The following KDM7A variants were observed in gnomAD, a reference collection of about 807,000 sequenced individuals.
KDM7A encodes the protein lysine demethylase 7A.
KDM7A carries 28 observed loss-of-function variants against 114.8 expected under a neutral mutation model. That is an observed-to-expected ratio of 0.24 (90% CI 0.18 to 0.33). The LOEUF (loss-of-function observed/expected upper bound fraction) is 0.33. KDM7A is among the 10% of genes least tolerant of loss of function. The pLI is 1.00. For missense variants in KDM7A, 942 were observed against 1,142.5 expected (o/e 0.82, Z 2.53); for synonymous variants, 423 against 397.8 (o/e 1.06, Z -0.75).
At chr7:140,136,966 G>A (rs747859047) in intron 2 of KDM7A, among the ~76,000 whole-genome samples, 8 of 151,012 alleles carry the variant, frequency 5.3e-5, no homozygotes, top group Non-Finnish European at 7.4e-5. Flanking sequence ...CAGCCTGGGC[G>A]ACAGCACAAG....
In KDM7A at chr7:140,127,439, C is replaced by A; in HGVS notation, c.701+3G>T. 1 of 1,611,786 alleles carries A rather than the reference C, an allele frequency of 6.2e-7. No individual in the cohort carries two copies. Among genetic ancestry groups the A allele is most frequent in the Non-Finnish European group, 8.5e-7 (1 of 1,178,882 alleles). On this transcript the variant is annotated splice_donor_region_variant and intron_variant, in intron 5 of 19. Coordinates refer to ENST00000397560, the MANE Select transcript of KDM7A (RefSeq NM_030647.2). The stretch of plus-strand genomic sequence containing the variant: ...CTAAACCAAAATACCCAGAACTACT[C>A]ACTTTGTATCTGAAAATTCAAGGCT...
At chr7:140,148,445 G>C (rs1794363704) in intron 1 of KDM7A, among the ~76,000 whole-genome samples, 6 of 151,986 alleles carry the variant, frequency 3.9e-5, no homozygotes, top group Admixed American at 3.9e-4. Flanking sequence ...AATAGTAACA[G>C]TAACCCCCTC....
In KDM7A at chr7:140,114,058, T is replaced by C. The variant is rs568497489; in HGVS notation, c.1247-476A>G. Among the ~76,000 whole-genome samples the C allele has an allele frequency of 1.2e-4, 18 of 152,356 alleles. No homozygotes were observed. In the South Asian group the frequency reaches 2.3e-3, roughly 19 times the overall value. On this transcript the variant is annotated intron_variant, in intron 9 of 19. Transcript: ENST00000397560. Reference sequence around the variant, plus strand: ...GCTTCCAAAAGAAAGGGGGTGTAACTGTCACTAATAAAGGGTTATTTCATA... The same window carrying C: ...GCTTCCAAAAGAAAGGGGGTGTAACCGTCACTAATAAAGGGTTATTTCATA...
chr7:140,167,450 T>C (rs2116856629), intron 1 of KDM7A, among the ~76,000 whole-genome samples: 1 of 152,250 alleles, frequency 6.6e-6, no homozygotes, highest in South Asian at 2.1e-4. Flanking sequence ...CAGACCCAAG[T>C]ATATACAGAA....
rs1367270738 is a variant in KDM7A, at chr7:140,119,141, T to C, written c.1218A>G (p.Val406=). Residue 406 remains valine, a synonymous_variant, in exon 9 of 20, where the codon GTA becomes GTG. Transcript: ENST00000397560. ...TCAGGGTTTCCAGCAAGTTTTTGGC[T>C]ACAAACCAACATATGGCTTCAAAGA... is the stretch of plus-strand genomic sequence containing the variant. ...FPFFEAICWF[V]AKNLLETLKE... The C allele has an allele frequency of 1.2e-6, 2 of 1,608,222 alleles. No homozygotes were observed. Among genetic ancestry groups the C allele is most frequent in the African/African-American group, 2.7e-5 (2 of 74,944 alleles).
In KDM7A at chr7:140,091,985, G is replaced by C; in HGVS notation, c.2550C>G (p.Gly850=). 1 of 1,614,036 alleles carries C rather than the reference G, an allele frequency of 6.2e-7. No individual in the cohort carries two copies. The highest frequency in any genetic ancestry group is 8.5e-7 in the Non-Finnish European group (1 of 1,180,006). Residue 850 remains glycine, a synonymous_variant, in exon 19 of 20, where the codon GGC becomes GGG. Coordinates refer to ENST00000397560, the MANE Select transcript of KDM7A (RefSeq NM_030647.2). ...VQSRNYVDSS[G]SSLQNGKYMQ... is the part of the protein sequence containing the mutation. The stretch of plus-strand genomic sequence containing the variant: ...TATACTTTCCATTCTGAAGGCTTGA[G>C]CCGCTGCTGTCCACATAATTCCTAC...
chr7:140,123,767 T>C (rs1156854453), intron 7 of KDM7A, among the ~76,000 whole-genome samples: 1 of 152,166 alleles, frequency 6.6e-6, no homozygotes, highest in African/African-American at 2.4e-5. Flanking sequence ...TGATACATGC[T>C]ACAACATGGA....
chr7:140,100,689 C>CATATATATAT (rs1392915165), intron 12 of KDM7A, among the ~76,000 whole-genome samples: 2 of 54,006 alleles, frequency 3.7e-5, no homozygotes, highest in African/African-American at 1.4e-4. Context: ...TACATATATA[C>CATATATATAT]ATATATATAT....
chr7:140,141,977 C>T (rs938934993), intron 1 of KDM7A, among the ~76,000 whole-genome samples: 15 of 146,578 alleles, frequency 1.0e-4, no homozygotes, highest in African/African-American at 2.2e-4. Context: ...ATAAAATAGG[C>T]TTGATATTTT....
chr7:140,175,977 G>T (rs1210245514), intron 1 of KDM7A, among the ~76,000 whole-genome samples: 5 of 151,888 alleles, frequency 3.3e-5, no homozygotes, highest in African/African-American at 1.2e-4. Context: ...ATCTGCCCCA[G>T]TCCCGGCGAC....
Position 140,089,849 on chromosome 7 carries a change from T to C in KDM7A, c.*1245A>G, listed in dbSNP as rs537510809. The C allele has an allele frequency of 1.3e-5, 2 of 152,338 alleles. No individual in the cohort carries two copies. Among genetic ancestry groups the C allele is most frequent in the Non-Finnish European group, 1.5e-5 (1 of 68,034 alleles). 9.4% of individuals were successfully genotyped at this position (152,338 alleles called of 1,614,324 possible). A position where few individuals can be genotyped will look rare whatever the true frequency, so the allele number is the denominator to read the frequency against. ...CAAATCCATATCTTAAGTAATTCTT[T>C]AGAAAATTAAGAAATAAAAAAAGTA... On this transcript the variant is annotated 3_prime_UTR_variant, in exon 20 of 20. Transcript: ENST00000397560.
chr7:140,112,191 G>C (rs771601156), intron 10 of KDM7A, among the ~76,000 whole-genome samples: 3 of 152,222 alleles, frequency 2.0e-5, no homozygotes, highest in African/African-American at 4.8e-5. Context: ...TGCTCTAGCA[G>C]ATATGTAGCA....
chr7:140,144,737 A>ACACACC (rs1435610694), intron 1 of KDM7A, among the ~76,000 whole-genome samples: 29 of 150,994 alleles, frequency 1.9e-4, no homozygotes, highest in African/African-American at 6.6e-4. Context: ...ACACACACAC[A>ACACACC]CCCTCATGCT....
intron 3 of KDM7A, among the ~76,000 whole-genome samples, chr7:140,130,569 C>T (rs145558608): frequency 4.6e-5 from 7 of 150,596 alleles, no homozygotes; most frequent in South Asian, 4.2e-4. Flanking sequence ...TGCAGTGAGC[C>T]GAGATCTCAC....
chr7:140,090,859 CA>C lies in KDM7A; in HGVS notation c.*234del. The C allele has an allele frequency of 4.3e-6, 2 of 466,830 alleles. No individual in the cohort carries two copies. The highest frequency in any genetic ancestry group is 3.5e-5 in the Admixed American group (1 of 28,450). The allele number at this position is 466,830 out of a possible 1,614,324, so 28.9% of individuals were successfully genotyped here. A position where few individuals can be genotyped will look rare whatever the true frequency, so the allele number is the denominator to read the frequency against. ...CCCTGACAAGAGACCCTTTCCAGTT[CA>C]AGGTCTCTTTTTAAGGTTCTACCCT... On this transcript the variant is annotated 3_prime_UTR_variant, in exon 20 of 20. Transcript: ENST00000397560.
At chr7:140,096,530 G>C (rs762126050) in intron 17 of KDM7A, 25 bp downstream of exon 17, 2 of 1,570,510 alleles carry the variant, frequency 1.3e-6, no homozygotes, top group Admixed American at 3.3e-5. Context: ...TTACTTTTTA[G>C]AGACTGATAA....
At chr7:140,129,013 T>C (rs1043422085) in intron 4 of KDM7A, among the ~76,000 whole-genome samples, 4 of 152,220 alleles carry the variant, frequency 2.6e-5, no homozygotes, top group African/African-American at 9.7e-5. Context: ...CAAGTCATTA[T>C]TATAAAAACA....
intron 6 of KDM7A, 73 bp from the exon 7 acceptor site, chr7:140,124,856 C>A: frequency 1.2e-6 from 1 of 836,440 alleles, no homozygotes. Context: ...GATGCAATTT[C>A]TCAATACAAT....
chr7:140,113,625 T>A (rs756720621), intron 9 of KDM7A, 43 bp from the exon 10 acceptor site: 2 of 1,071,472 alleles, frequency 1.9e-6, no homozygotes, highest in Non-Finnish European at 2.8e-6. Flanking sequence ...ATAGTTAAAA[T>A]GTTCTAAAGT....
Sources: gnomAD v4.1 joint callset for allele counts (sites outside exome capture counted in the v4.1 genomes callset) on GRCh38, gnomAD v4.1.1 for gene constraint, MANE v1.5 for transcripts, NCBI Gene and HGNC (gene_info 2026-07-23, HGNC 2026-07-21) for gene names.